Variants in BCR observed in about 807,000 individuals in gnomAD.
The protein encoded by BCR is breakpoint cluster region protein.
BCR carries 58 observed loss-of-function variants against 138.6 expected under a neutral mutation model. The ratio of observed to expected loss-of-function variants is 0.42; its 90% CI spans 0.34 to 0.52. The LOEUF (loss-of-function observed/expected upper bound fraction) is 0.52, where lower values mean the gene tolerates loss of function less well. Among genes scored for constraint, BCR ranks in the 20% least tolerant of loss-of-function variants. The pLI is 0.06. For missense variants in BCR, 1,599 were observed against 1,727.2 expected (o/e 0.93, Z 1.32); for synonymous variants, 786 against 730.1 (o/e 1.08, Z -1.23).
intron 1 of BCR, among the ~76,000 whole-genome samples, chr22:23,201,309 G>GT (rs1168925081): frequency 1.3e-5 from 2 of 152,170 alleles, no homozygotes; most frequent in African/African-American, 4.8e-5. Flanking sequence ...GCTCACCTGG[G>GT]TTGCTGGCAG....
At position 23,309,462 on chromosome 22, in the gene BCR, C is replaced by T. The variant is rs1295594085; in HGVS notation, c.3051C>T (p.Arg1017=). 6.2e-7 allele frequency: 1 copy of T among 1,604,114 alleles called. No individual in the cohort carries two copies. The highest frequency in any genetic ancestry group is 8.5e-7 in the Non-Finnish European group (1 of 1,175,120). The change falls in exon 17 of 23, where the codon CGC becomes CGT. Residue 1017 remains arginine (R), a synonymous_variant. Coordinates refer to ENST00000305877, the MANE Select transcript of BCR (RefSeq NM_004327.4). ...CCCTGCAGGACAGAGACTGGCAGCGCACCGTCATCGCCATGAATGGGGTAC... is the reference window on the plus strand; with the variant it reads ...CCCTGCAGGACAGAGACTGGCAGCGTACCGTCATCGCCATGAATGGGGTAC... ...PQALQDRDWQ[R]TVIAMNGIEV... is the part of the protein sequence containing the mutation.
Position 23,180,804 on chromosome 22 carries a change from CT to C in BCR, c.-156del. 1 of 265,538 alleles carries C rather than the reference CT, an allele frequency of 3.8e-6. No individual in the cohort carries two copies. The highest frequency in any genetic ancestry group is 5.7e-6 in the Non-Finnish European group (1 of 175,108). The allele number at this position is 265,538 out of a possible 1,614,324, so 16.4% of individuals were successfully genotyped here. Reference sequence around the variant, plus strand: ...CGCCGAGCGCCCCGCTCCGCCTCACCTGCCACCAGGGAGTGGGCGGGCATTG... The same window carrying C: ...CGCCGAGCGCCCCGCTCCGCCTCACCGCCACCAGGGAGTGGGCGGGCATTG... On this transcript the variant is annotated 5_prime_UTR_variant, in exon 1 of 23. Coordinates refer to ENST00000305877, the MANE Select transcript of BCR (RefSeq NM_004327.4).
intron 1 of BCR, among the ~76,000 whole-genome samples, chr22:23,252,869 A>G (rs1258444470): frequency 2.6e-5 from 4 of 152,162 alleles, no homozygotes; most frequent in Non-Finnish European, 5.9e-5. Flanking sequence ...CTCTGCAGAC[A>G]CCAGCTGGGT....
intron 1 of BCR, among the ~76,000 whole-genome samples, chr22:23,230,874 A>G (rs1312445516): frequency 6.6e-6 from 1 of 151,964 alleles, no homozygotes; most frequent in Non-Finnish European, 1.5e-5. Flanking sequence ...AACCCATCCC[A>G]CGCAGTTGTT....
intron 1 of BCR, among the ~76,000 whole-genome samples, chr22:23,197,437 T>C (rs1660722552): frequency 6.6e-6 from 1 of 152,244 alleles, no homozygotes; most frequent in Non-Finnish European, 1.5e-5. Context: ...TGTATTGTTA[T>C]TACATTTATA....
chr22:23,204,453 C>T lies in BCR; in HGVS notation c.1279+22214C>T, dbSNP rs61132866. On this transcript the variant is annotated intron_variant, in intron 1 of 22. Transcript: ENST00000305877. ...GTTCCCAGAAAATTATTTTAAGATC[C>T]GTTAGTTTTGTGATTCTAAATAAAA... 9.0e-3 allele frequency among the ~76,000 whole-genome samples: 1,367 copies of T among 151,422 alleles called. 25 individuals carry two copies. The highest frequency in any genetic ancestry group is 0.032 in the African/African-American group (1,290 of 40,758).
At position 23,292,392 on chromosome 22, in the gene BCR, A is replaced by G. The variant is rs907152664; in HGVS notation, c.2783-149A>G. On this transcript the variant is annotated intron_variant, in intron 14 of 22. Transcript: ENST00000305877. ...GTGCTGGTGTTCACGCCAGACCACA[A>G]TTAGGTGTTTAATTTTTAAAAAGAA... is the stretch of plus-strand genomic sequence containing the variant. 2.0e-5 allele frequency: 12 copies of G among 593,002 alleles called. No individual in the cohort carries two copies. The Admixed American group carries it at 3.2e-4, about 16-fold the overall frequency. 36.7% of individuals were successfully genotyped at this position (593,002 alleles called of 1,614,324 possible).
At chr22:23,287,994 C>A (rs998088367) in intron 11 of BCR, 103 bp from the exon 12 acceptor site, 3 of 1,138,458 alleles carry the variant, frequency 2.6e-6, no homozygotes. Context: ...GGGCTCCAGC[C>A]GGCTGGAGAT....
Position 23,260,997 on chromosome 22 carries a change from G to C in BCR, c.1509G>C (p.Leu503=), listed in dbSNP as rs144134677. Residue 503 remains leucine, a synonymous_variant, in exon 3 of 23, where the codon CTG becomes CTC. Transcript: ENST00000305877. ...GCTTGGAGATGAGAAAATGGGTCCT[G>C]TCGGGAATCCTGGCTAGCGAGGAGA... is the stretch of plus-strand genomic sequence containing the variant. The part of the protein sequence containing the change: ...EKGLEMRKWV[L]SGILASEETY... 3.7e-6 allele frequency: 6 copies of C among 1,613,906 alleles called. No individual in the cohort carries two copies. The African/African-American group carries it at 6.7e-5, about 18-fold the overall frequency.
intron 1 of BCR, among the ~76,000 whole-genome samples, chr22:23,220,450 G>A (rs942696092): frequency 2.7e-4 from 41 of 152,318 alleles, no homozygotes; most frequent in African/African-American, 8.4e-4. Context: ...TCTTGGAGCA[G>A]CATTTGCTTC....
intron 1 of BCR, among the ~76,000 whole-genome samples, chr22:23,228,334 C>G (rs2072916616): frequency 6.6e-6 from 1 of 152,054 alleles, no homozygotes; most frequent in South Asian, 2.1e-4. Flanking sequence ...TCGAGACTTC[C>G]TTTTTCATCT....
At chr22:23,195,613 G>A (rs1369766399) in intron 1 of BCR, among the ~76,000 whole-genome samples, 1 of 151,652 alleles carries the variant, frequency 6.6e-6, no homozygotes, top group Admixed American at 6.6e-5. Context: ...CCGGCCGGGC[G>A]CGGTGGCTCG....
intron 1 of BCR, among the ~76,000 whole-genome samples, chr22:23,186,963 T>G (rs965130686): frequency 3.3e-5 from 5 of 152,242 alleles, no homozygotes; most frequent in African/African-American, 1.2e-4. Context: ...CTGGAACTCC[T>G]GACCTCAAGT....
chr22:23,205,642 A>AT (rs112193385), intron 1 of BCR, among the ~76,000 whole-genome samples: 38,643 of 144,034 alleles, frequency 0.27, 5,547 homozygotes, highest in East Asian at 0.62. Flanking sequence ...TGAACCAATA[A>AT]TTTTTTTTTT....
At chr22:23,211,434 G>A (rs1344474373) in intron 1 of BCR, among the ~76,000 whole-genome samples, 3 of 151,828 alleles carry the variant, frequency 2.0e-5, no homozygotes, top group Non-Finnish European at 4.4e-5. Context: ...TCCTGACCTC[G>A]TGATCCGCCT....
At chr22:23,306,596 A>G (rs933525312) in intron 16 of BCR, 5 of 152,260 alleles carry the variant, frequency 3.3e-5, no homozygotes, top group Non-Finnish European at 7.3e-5. Context: ...CCCGTAACCA[A>G]TAGGCTGGGG....
At chr22:23,208,362 G>A (rs1199980235) in intron 1 of BCR, among the ~76,000 whole-genome samples, 2 of 152,160 alleles carry the variant, frequency 1.3e-5, no homozygotes, top group African/African-American at 4.8e-5. Context: ...CAGGCCCAGA[G>A]CATGCATGGT....
chr22:23,287,033 T>C, intron 10 of BCR, 126 bp from the exon 11 acceptor site: 2 of 1,495,982 alleles, frequency 1.3e-6, no homozygotes, highest in Non-Finnish European at 9.0e-7. Context: ...TGGTCTGTGC[T>C]GAGTGGAGAG....
chr22:23,297,526 C>T (rs1409815744), intron 16 of BCR, among the ~76,000 whole-genome samples: 2 of 152,060 alleles, frequency 1.3e-5, no homozygotes, highest in Non-Finnish European at 2.9e-5. Context: ...AGTCGTGCTC[C>T]CATCGCTCCC....
Sources: gnomAD v4.1 joint callset for allele counts (sites outside exome capture counted in the v4.1 genomes callset) on GRCh38, gnomAD v4.1.1 for gene constraint, MANE v1.5 for transcripts, NCBI Gene and HGNC (gene_info 2026-07-23, HGNC 2026-07-21) for gene names.